The following RBFOX1 variants were observed in gnomAD, a reference collection of about 807,000 sequenced individuals.
RBFOX1 encodes RNA binding protein fox-1 homolog 1.
Under a neutral mutation model 57.7 loss-of-function variants are expected in RBFOX1, and 8 were observed. The observed-to-expected ratio is 0.14, with a 90% CI of 0.08 to 0.25. The LOEUF (loss-of-function observed/expected upper bound fraction) is 0.25, where lower values mean the gene tolerates loss of function less well. Among genes scored for constraint, RBFOX1 ranks in the 10% least tolerant of loss-of-function variants. RBFOX1 has a pLI of 1.00. For missense variants in RBFOX1, 611 were observed against 548.5 expected (o/e 1.11, Z -1.14); for synonymous variants, 326 against 222.4 (o/e 1.47, Z -4.15).
chr16:5,770,861 C>T (rs1313903097), intron 3 of RBFOX1, among the ~76,000 whole-genome samples: 2 of 152,212 alleles, frequency 1.3e-5, no homozygotes, highest in Non-Finnish European at 2.9e-5. Context: ...GATCACGGCA[C>T]TCTTTTTCTC....
intron 1 of RBFOX1, among the ~76,000 whole-genome samples, chr16:5,431,338 G>T (rs1263689043): frequency 6.6e-6 from 1 of 152,150 alleles, no homozygotes. Context: ...TTAAAAGTTA[G>T]GGTCTGGGTT....
chr16:6,651,351 C>G (rs1162901889), intron 2 of RBFOX1, among the ~76,000 whole-genome samples: 2 of 150,200 alleles, frequency 1.3e-5, no homozygotes, highest in Non-Finnish European at 3.0e-5. Flanking sequence ...TTAAAGACGT[C>G]CCATTGATTT....
chr16:6,695,988 C>A (rs1221353683), intron 3 of RBFOX1, among the ~76,000 whole-genome samples: 1 of 152,160 alleles, frequency 6.6e-6, no homozygotes, highest in Non-Finnish European at 1.5e-5. Flanking sequence ...CAGACATACA[C>A]ACACTGATCT....
At chr16:5,786,759 G>T (rs74006296) in intron 3 of RBFOX1, among the ~76,000 whole-genome samples, 3,484 of 152,244 alleles carry the variant, frequency 0.023, 134 homozygotes, top group African/African-American at 0.078. Flanking sequence ...CTTCATGTCA[G>T]ACTCTTAATG....
At chr16:6,864,172 A>T (rs1261809292) in intron 3 of RBFOX1, among the ~76,000 whole-genome samples, 2 of 152,080 alleles carry the variant, frequency 1.3e-5, no homozygotes, top group Admixed American at 6.5e-5. Context: ...TATTTTAATA[A>T]TTCTTGTCCC....
rs545690980 is a variant in RBFOX1 at position 6,574,582 on chromosome 16, C to T, written c.-63-80021C>T. On this transcript the variant is annotated intron_variant, in intron 2 of 15. Coordinates refer to ENST00000550418, the MANE Select transcript of RBFOX1 (RefSeq NM_018723.4). Reference sequence around the variant, plus strand: ...TAGCTGGGACTACAGGCGCCCGCCACCAAGCCCAGCTAATTTTTTGTATTT... The same window carrying T: ...TAGCTGGGACTACAGGCGCCCGCCATCAAGCCCAGCTAATTTTTTGTATTT... Among the ~76,000 whole-genome samples the T allele has an allele frequency of 1.1e-4, 17 of 150,714 alleles. No individual in the cohort carries two copies. In the South Asian group the frequency reaches 2.3e-3, roughly 20 times the overall value.
At chr16:6,071,843 CCTT>C (rs2095841651) in intron 1 of RBFOX1, among the ~76,000 whole-genome samples, 1 of 152,168 alleles carries the variant, frequency 6.6e-6, no homozygotes, top group Non-Finnish European at 1.5e-5. Flanking sequence ...CAATGTTTAT[CCTT>C]CTGTGACTGG....
chr16:6,793,635 A>G (rs2083385573), intron 3 of RBFOX1, among the ~76,000 whole-genome samples: 1 of 152,206 alleles, frequency 6.6e-6, no homozygotes, highest in Non-Finnish European at 1.5e-5. Context: ...GTTAAGCAAA[A>G]AAAGAAATCT....
At chr16:5,674,636 TG>T (rs2050112672) in intron 3 of RBFOX1, among the ~76,000 whole-genome samples, 1 of 152,250 alleles carries the variant, frequency 6.6e-6, no homozygotes, top group African/African-American at 2.4e-5. Flanking sequence ...AAAGTTATTG[TG>T]GGTTTTGCCA....
intron 3 of RBFOX1, among the ~76,000 whole-genome samples, chr16:6,689,849 A>G (rs1293046839): frequency 6.6e-6 from 1 of 152,202 alleles, no homozygotes; most frequent in Non-Finnish European, 1.5e-5. Context: ...TGTCTCCTGC[A>G]AAGACATTTG....
chr16:7,472,024 A>G (rs1485899754), intron 4 of RBFOX1, among the ~76,000 whole-genome samples: 2 of 152,192 alleles, frequency 1.3e-5, no homozygotes, highest in African/African-American at 4.8e-5. Context: ...ATTGGTGAAC[A>G]CACTTTAGTA....
intron 2 of RBFOX1, among the ~76,000 whole-genome samples, chr16:5,512,050 G>A (rs763807647): frequency 6.6e-6 from 1 of 152,220 alleles, no homozygotes; most frequent in African/African-American, 2.4e-5. Context: ...ACAATTGCAT[G>A]CAAGATGGAT....
chr16:5,948,243 T>C (rs1303961206), intron 4 of RBFOX1, among the ~76,000 whole-genome samples: 1 of 150,576 alleles, frequency 6.6e-6, no homozygotes, highest in Admixed American at 6.6e-5. Flanking sequence ...AGGTGGGTGT[T>C]AGTTCTATGG....
intron 4 of RBFOX1, among the ~76,000 whole-genome samples, chr16:5,875,336 A>G (rs575688036): frequency 6.6e-6 from 1 of 152,324 alleles, no homozygotes; most frequent in African/African-American, 2.4e-5. Flanking sequence ...TCTGATTGCA[A>G]CACCTGGGCT....
At chr16:6,934,064 G>A (rs1378501104) in intron 3 of RBFOX1, among the ~76,000 whole-genome samples, 1 of 152,170 alleles carries the variant, frequency 6.6e-6, no homozygotes, top group Admixed American at 6.5e-5. Context: ...GAGGCCTTGA[G>A]GGTAGGCGTA....
Position 6,142,261 on chromosome 16 carries a change from A to T in RBFOX1, c.-127+122269A>T, listed in dbSNP as rs556070793. Among the ~76,000 whole-genome samples, 167 of 131,284 alleles carry T rather than the reference A, an allele frequency of 1.3e-3. 4 individuals carry two copies. The Admixed American group carries it at 0.014, about 11-fold the overall frequency. The allele number at this position is 131,284 out of a possible 152,430, so 86.1% of individuals were successfully genotyped here. On this transcript the variant is annotated intron_variant, in intron 1 of 15. Transcript: ENST00000550418. ...TTTGGAGACGGAGTCTTGCTCTGTC[A>T]CCCAGGCTGGAGTGAAATGGCGTGA...
At chr16:6,395,033 C>T (rs1442963232) in intron 2 of RBFOX1, among the ~76,000 whole-genome samples, 10 of 152,098 alleles carry the variant, frequency 6.6e-5, no homozygotes, top group African/African-American at 1.4e-4. Context: ...TGGCCAATGG[C>T]CATTTGTTTG....
chr16:7,277,429 G>T (rs1461573987), intron 4 of RBFOX1, among the ~76,000 whole-genome samples: 1 of 152,128 alleles, frequency 6.6e-6, no homozygotes, highest in Admixed American at 6.5e-5. Context: ...TACATTCTCT[G>T]TGCCACCAGA....
intron 3 of RBFOX1, among the ~76,000 whole-genome samples, chr16:6,745,767 C>G (rs183721275): frequency 6.6e-5 from 10 of 152,202 alleles, no homozygotes; most frequent in African/African-American, 1.9e-4. Flanking sequence ...ACTTCCCTTT[C>G]GCAGTATTTT....
Sources: gnomAD v4.1 joint callset for allele counts (sites outside exome capture counted in the v4.1 genomes callset) on GRCh38, gnomAD v4.1.1 for gene constraint, MANE v1.5 for transcripts, NCBI Gene and HGNC (gene_info 2026-07-23, HGNC 2026-07-21) for gene names.